RNGTT: variants seen among roughly 807,000 people sequenced by gnomAD.
RNGTT encodes the protein RNA guanylyltransferase and 5'-phosphatase.
In RNGTT, 33 loss-of-function variants were observed where a neutral mutation model predicts 79.3. The ratio of observed to expected loss-of-function variants is 0.42; its 90% confidence interval spans 0.32 to 0.56. RNGTT has a LOEUF of 0.56. Among genes scored for constraint, RNGTT ranks in the 20% least tolerant of loss-of-function variants. The probability of loss-of-function intolerance (pLI) is 0.17; values close to 1 mark genes in which losing one functional copy is unlikely to be tolerated. For missense variants in RNGTT, 497 were observed against 739.1 expected (o/e 0.67, Z 3.80); for synonymous variants, 222 against 235.9 (o/e 0.94, Z 0.54).
At chr6:88,692,661 AAGAC>A (rs924581213) in intron 13 of RNGTT, among the ~76,000 whole-genome samples, 4 of 152,080 alleles carry the variant, frequency 2.6e-5, no homozygotes, top group African/African-American at 4.8e-5. Context: ...GGATTAGAAA[AAGAC>A]AGAAGGAAAA....
At chr6:88,930,075 C>T (rs1390462311) in intron 2 of RNGTT, among the ~76,000 whole-genome samples, 1 of 145,240 alleles carries the variant, frequency 6.9e-6, no homozygotes, top group African/African-American at 2.6e-5. Flanking sequence ...CATATGTATA[C>T]ATATACATAT....
At chr6:88,927,428 T>C (rs1444253275) in intron 4 of RNGTT, among the ~76,000 whole-genome samples, 1 of 152,030 alleles carries the variant, frequency 6.6e-6, no homozygotes, top group Non-Finnish European at 1.5e-5. Context: ...TTTGGGAGGC[T>C]GAGGCGGGCA....
intron 12 of RNGTT, among the ~76,000 whole-genome samples, chr6:88,776,500 T>C (rs942091665): frequency 3.3e-5 from 5 of 151,438 alleles, no homozygotes; most frequent in African/African-American, 9.7e-5. Context: ...TGCATTTTTT[T>C]TTCTTCTTTT....
chr6:88,891,859 T>C lies in RNGTT; in HGVS notation c.741A>G (p.Gln247=), dbSNP rs1232192258. 18 of 1,605,252 alleles carry C rather than the reference T, an allele frequency of 1.1e-5. No individual in the cohort carries two copies. Among genetic ancestry groups the C allele is most frequent in the African/African-American group, 4.0e-5 (3 of 74,398 alleles). Residue 247 remains glutamine, a synonymous_variant, in exon 7 of 16, where the codon CAA becomes CAG. Coordinates refer to ENST00000369485, the MANE Select transcript of RNGTT (RefSeq NM_003800.5). ...TCTGCTGTACCTCTCCTAACTTTGGTTGTGTTGTTACTTGAGTTACACCTT... is the reference window on the plus strand; with the variant it reads ...TCTGCTGTACCTCTCCTAACTTTGGCTGTGTTGTTACTTGAGTTACACCTT... ...TVKGVTQVTT[Q]PKLGEVQQKC...
At chr6:88,799,797 A>T (rs954168970) in intron 12 of RNGTT, among the ~76,000 whole-genome samples, 3 of 151,670 alleles carry the variant, frequency 2.0e-5, no homozygotes, top group Non-Finnish European at 4.4e-5. Flanking sequence ...AGACTCACTT[A>T]TTTGTCAGGC....
At chr6:88,672,445 A>G (rs1422626710) in intron 14 of RNGTT, among the ~76,000 whole-genome samples, 1 of 152,218 alleles carries the variant, frequency 6.6e-6, no homozygotes, top group Non-Finnish European at 1.5e-5. Context: ...TAAGTGAAGT[A>G]ACTCAGGAAT....
intron 12 of RNGTT, among the ~76,000 whole-genome samples, chr6:88,800,906 G>C (rs980044855): frequency 2.6e-5 from 4 of 152,184 alleles, no homozygotes; most frequent in Admixed American, 2.6e-4. Flanking sequence ...CTAGTGAGTA[G>C]AGACCACAGA....
At position 88,826,854 on chromosome 6, in the gene RNGTT, G is replaced by GTGTA. The variant is rs552025961; in HGVS notation, c.1269+17502_1269+17503insTACA. ...TATATATATATATATATGTGTGTGTGTATATATATATATATAATATACTAT... is the reference window on the plus strand; with the variant it reads ...TATATATATATATATATGTGTGTGTGTGTATATATATATATATATAATATACTAT... On this transcript the variant is annotated intron_variant, in intron 11 of 15. Coordinates refer to ENST00000369485, the MANE Select transcript of RNGTT (RefSeq NM_003800.5). Among the ~76,000 whole-genome samples, 410 of 138,292 alleles carry GTGTA rather than the reference G, an allele frequency of 3.0e-3. 4 individuals carry two copies. The highest frequency in any genetic ancestry group is 0.011 in the African/African-American group (396 of 36,634). 90.7% of individuals were successfully genotyped at this position (138,292 alleles called of 152,430 possible).
chr6:88,870,654 A>G (rs1262143348), intron 8 of RNGTT, among the ~76,000 whole-genome samples: 1 of 152,142 alleles, frequency 6.6e-6, no homozygotes. Context: ...CATTGTTTTT[A>G]CCAAAAAAGG....
At chr6:88,628,697 T>C (rs1354064515) in intron 14 of RNGTT, among the ~76,000 whole-genome samples, 1 of 152,168 alleles carries the variant, frequency 6.6e-6, no homozygotes, top group African/African-American at 2.4e-5. Context: ...CTTTTTATAA[T>C]AATGAGGAAA....
intron 11 of RNGTT, among the ~76,000 whole-genome samples, chr6:88,813,003 T>A (rs1341184065): frequency 6.6e-6 from 1 of 152,210 alleles, no homozygotes; most frequent in Admixed American, 6.5e-5. Context: ...ATATGCCAGG[T>A]ACTGTTCCAA....
intron 13 of RNGTT, among the ~76,000 whole-genome samples, chr6:88,725,328 G>T (rs1416585824): frequency 6.6e-6 from 1 of 152,116 alleles, no homozygotes; most frequent in East Asian, 1.9e-4. Flanking sequence ...CTGCCATGAT[G>T]ATTCTGTGTA....
At chr6:88,856,575 T>C (rs1258057070) in intron 8 of RNGTT, among the ~76,000 whole-genome samples, 1 of 152,206 alleles carries the variant, frequency 6.6e-6, no homozygotes, top group African/African-American at 2.4e-5. Context: ...TACAAAAGGA[T>C]AGCTTCTGCA....
At chr6:88,848,738 G>A (rs1231161345) in intron 10 of RNGTT, among the ~76,000 whole-genome samples, 1 of 152,040 alleles carries the variant, frequency 6.6e-6, no homozygotes, top group Non-Finnish European at 1.5e-5. Flanking sequence ...ATTCAGGGTA[G>A]AGGCTGATTC....
intron 11 of RNGTT, among the ~76,000 whole-genome samples, chr6:88,836,532 G>A (rs1034621572): frequency 3.3e-5 from 5 of 152,012 alleles, no homozygotes; most frequent in African/African-American, 9.6e-5. Flanking sequence ...GCTTGAGCTC[G>A]GGAGTTCAAG....
chr6:88,782,028 A>G (rs548883516), intron 12 of RNGTT, among the ~76,000 whole-genome samples: 2 of 152,026 alleles, frequency 1.3e-5, no homozygotes, highest in South Asian at 4.1e-4. Flanking sequence ...CCTAACAACC[A>G]AAGACCACCT....
intron 14 of RNGTT, among the ~76,000 whole-genome samples, chr6:88,647,377 C>CCCCATTGAATGTAA: frequency 6.6e-6 from 1 of 152,250 alleles, no homozygotes; most frequent in Admixed American, 6.5e-5. Flanking sequence ...TAATTACCAT[C>CCCCATTGAATGTAA]TTCAATGGGG....
chr6:88,694,515 T>C (rs1044742490), intron 13 of RNGTT, among the ~76,000 whole-genome samples: 1 of 152,088 alleles, frequency 6.6e-6, no homozygotes, highest in African/African-American at 2.4e-5. Flanking sequence ...AAAAAGTCCA[T>C]ACTACCCAGT....
At chr6:88,766,820 T>A (rs186185328) in intron 13 of RNGTT, among the ~76,000 whole-genome samples, 92 of 152,208 alleles carry the variant, frequency 6.0e-4, no homozygotes, top group Admixed American at 2.2e-3. Flanking sequence ...TTAGGCTTTG[T>A]AGAAATATTT....
Sources: allele counts gnomAD v4.1 joint callset (sites outside exome capture counted in the v4.1 genomes callset), GRCh38; gene constraint gnomAD v4.1.1; transcripts MANE v1.5; gene names NCBI Gene and HGNC (gene_info 2026-07-23, HGNC 2026-07-21).